GRM7: variants seen among roughly 807,000 people sequenced by gnomAD.
The protein encoded by GRM7 is metabotropic glutamate receptor 7.
A neutral mutation model predicts 84.5 loss-of-function variants in GRM7; 35 were observed. The observed-to-expected ratio is 0.41, with a 90% confidence interval of 0.32 to 0.55. The LOEUF (loss-of-function observed/expected upper bound fraction) is 0.55. Ranked by LOEUF, GRM7 falls within the 20% of genes least tolerant of loss-of-function variation. The pLI is 0.19. For synonymous variants in GRM7, 487 were observed against 455.1 expected, an observed-to-expected ratio of 1.07 and a Z score of -0.89; for missense variants, 1,003 against 1,194.6, an observed-to-expected ratio of 0.84 and a Z score of 2.36.
chr3:7,332,889 C>T (rs1014697128), intron 4 of GRM7, among the ~76,000 whole-genome samples: 1 of 152,072 alleles, frequency 6.6e-6, no homozygotes, highest in Admixed American at 6.6e-5. Context: ...GCCCTGGTAG[C>T]TAAAGGCAAC....
chr3:7,637,861 C>T (rs184230781), intron 8 of GRM7, among the ~76,000 whole-genome samples: 211 of 152,300 alleles, frequency 1.4e-3, no homozygotes, highest in African/African-American at 4.7e-3. Context: ...GGAGCCTCTT[C>T]GGCATTCTTT....
At chr3:7,586,960 A>G (rs1695547692) in intron 8 of GRM7, among the ~76,000 whole-genome samples, 1 of 152,214 alleles carries the variant, frequency 6.6e-6, no homozygotes, top group South Asian at 2.1e-4. Flanking sequence ...AGTGACAGAA[A>G]AGTAAGTTGT....
At chr3:7,513,039 A>AAT (rs1490298387) in intron 7 of GRM7, among the ~76,000 whole-genome samples, 1 of 152,234 alleles carries the variant, frequency 6.6e-6, no homozygotes, top group Non-Finnish European at 1.5e-5. Context: ...GTACCTGGAG[A>AAT]AAATAAATGA....
chr3:7,112,907 T>G (rs1056810987), intron 1 of GRM7, among the ~76,000 whole-genome samples: 1 of 152,098 alleles, frequency 6.6e-6, no homozygotes, highest in Non-Finnish European at 1.5e-5. Context: ...GAACAGAAGC[T>G]CCTTCCCTTT....
intron 7 of GRM7, among the ~76,000 whole-genome samples, chr3:7,544,424 G>A (rs933879808): frequency 3.3e-5 from 5 of 152,218 alleles, no homozygotes; most frequent in Admixed American, 6.5e-5. Flanking sequence ...GCAAAGCACC[G>A]GGATTATAAA....
chr3:7,467,529 C>G (rs1698511808), intron 7 of GRM7, among the ~76,000 whole-genome samples: 1 of 152,264 alleles, frequency 6.6e-6, no homozygotes, highest in East Asian at 1.9e-4. Flanking sequence ...CAAGACATCA[C>G]TGGATGTCTG....
intron 7 of GRM7, among the ~76,000 whole-genome samples, chr3:7,520,609 A>G (rs889798916): frequency 6.6e-6 from 1 of 152,084 alleles, no homozygotes; most frequent in Non-Finnish European, 1.5e-5. Context: ...ACATTCTACT[A>G]TTTATTTCCC....
At chr3:7,677,431 G>C (rs958434956) in intron 8 of GRM7, among the ~76,000 whole-genome samples, 1 of 152,088 alleles carries the variant, frequency 6.6e-6, no homozygotes, top group Admixed American at 6.6e-5. Context: ...CGAAGCTGAG[G>C]AGAAGTAATT....
chr3:7,378,846 A>G (rs1694467523), intron 4 of GRM7, among the ~76,000 whole-genome samples: 1 of 152,162 alleles, frequency 6.6e-6, no homozygotes, highest in African/African-American at 2.4e-5. Context: ...AGCGTTTGAA[A>G]GAGAATCCCA....
rs571851813 is a variant in GRM7, at chr3:7,692,662, T to C, written c.2698+12367T>C. On this transcript the variant is annotated intron_variant, in intron 9 of 9. Transcript: ENST00000357716. ...CTCAACTATCCATTGAAGCAGGTCT[T>C]ATTGACAGGTGGCAAAACTGACTTA... Among the ~76,000 whole-genome samples, 6 of 152,292 alleles carry C rather than the reference T, an allele frequency of 3.9e-5. No individual in the cohort carries two copies. In the East Asian group the frequency reaches 1.2e-3, roughly 30 times the overall value.
In GRM7 at chr3:6,898,336, G is replaced by T. The variant is rs1014650611; in HGVS notation, c.519+36429G>T. ...GGTTTTAATGATGACTATGAAGTAG[G>T]GATTGGTGAGAGACCAAGGACGAAA... On this transcript the variant is annotated intron_variant, in intron 1 of 9. Coordinates refer to ENST00000357716, the MANE Select transcript of GRM7 (RefSeq NM_000844.4). 2.6e-5 allele frequency among the ~76,000 whole-genome samples: 4 copies of T among 151,104 alleles called. No individual in the cohort carries two copies. The South Asian group carries it at 8.4e-4, about 32-fold the overall frequency.
chr3:7,578,873 C>A lies in GRM7; in HGVS notation c.1967C>A (p.Ser656Tyr). 3 of 1,614,170 alleles carry A rather than the reference C, an allele frequency of 1.9e-6. No individual in the cohort carries two copies. In the South Asian group the frequency reaches 3.3e-5, roughly 18 times the overall value. Residue 656 changes from serine (S) to tyrosine (Y), a missense_variant, in exon 8 of 10, where the codon TCT (serine) becomes TAT (tyrosine). Ser to Tyr is a moderately radical substitution (Grantham distance 144, BLOSUM62 -2). Around this residue, in one of 2 missense-constraint regions of GRM7, gnomAD observed 910 missense variants for 1,126.0 expected, o/e 0.81. Coordinates refer to ENST00000357716, the MANE Select transcript of GRM7 (RefSeq NM_000844.4). ...MIAKPDVAVC[S>Y]FRRVFLGLGM... ...GCCAAACCAGATGTGGCAGTGTGTT[C>A]TTTCCGGCGAGTTTTCTTGGGCTTG...
In GRM7 at chr3:6,861,813, C is replaced by T. The variant is rs1694764410; in HGVS notation, c.425C>T (p.Pro142Leu). The T allele has an allele frequency of 6.2e-7, 1 of 1,614,160 alleles. No individual in the cohort carries two copies. The highest frequency in any genetic ancestry group is 8.5e-7 in the Non-Finnish European group (1 of 1,180,026). Residue 142 changes from proline (P) to leucine (L), a missense_variant, in exon 1 of 10, where the codon CCG (proline) becomes CTG (leucine). Pro to Leu is a moderately conservative substitution (Grantham distance 98, BLOSUM62 -3). Transcript: ENST00000357716. The surrounding 1 kb of genome is among the most constrained non-coding windows in gnomAD (Gnocchi z 6.4). ...GTGCGCTGCACCAACGGCGAACCGC[C>T]GGTTTTCGTCAAGCCGGAGAAAGTA... ...SDVRCTNGEPPVFVKPEKVVG... is the reference protein window; with the variant it reads ...SDVRCTNGEPLVFVKPEKVVG...
intron 8 of GRM7, among the ~76,000 whole-genome samples, chr3:7,659,590 A>G (rs1699348612): frequency 6.6e-6 from 1 of 152,224 alleles, no homozygotes; most frequent in East Asian, 1.9e-4. Flanking sequence ...TGGAAGCCCC[A>G]TCTGTTCACA....
At chr3:7,116,450 T>C (rs779588989) in intron 1 of GRM7, among the ~76,000 whole-genome samples, 9 of 152,130 alleles carry the variant, frequency 5.9e-5, no homozygotes, top group Non-Finnish European at 1.2e-4. Context: ...AGTGGGAAAG[T>C]CACACATTTT....
At chr3:7,286,855 C>A (rs1699448455) in intron 2 of GRM7, among the ~76,000 whole-genome samples, 1 of 152,108 alleles carries the variant, frequency 6.6e-6, no homozygotes, top group South Asian at 2.1e-4. Context: ...TGTCTATTAT[C>A]AAAACACAAT....
intron 1 of GRM7, among the ~76,000 whole-genome samples, chr3:6,933,956 G>A (rs1048450901): frequency 2.6e-5 from 4 of 152,070 alleles, no homozygotes; most frequent in African/African-American, 9.7e-5. Context: ...ACAGGATCAG[G>A]GTGGAAAGTT....
intron 9 of GRM7, among the ~76,000 whole-genome samples, chr3:7,721,964 T>A (rs1300011586): frequency 6.6e-6 from 1 of 152,208 alleles, no homozygotes; most frequent in Non-Finnish European, 1.5e-5. Context: ...TATGCGTGGA[T>A]GGAAGTGGAA....
intron 1 of GRM7, among the ~76,000 whole-genome samples, chr3:7,114,307 C>G (rs945261417): frequency 1.3e-5 from 2 of 152,118 alleles, no homozygotes; most frequent in African/African-American, 4.8e-5. Flanking sequence ...TCTGAAGATG[C>G]TCAGTCCCTT....
Sources: allele counts gnomAD v4.1 joint callset (sites outside exome capture counted in the v4.1 genomes callset), GRCh38; gene constraint gnomAD v4.1.1; regional missense constraint gnomAD v4.1.1; non-coding constraint Gnocchi (gnomAD v3.1); transcripts MANE v1.5; gene names NCBI Gene and HGNC (gene_info 2026-07-23, HGNC 2026-07-21).